GABBR2: variants seen among roughly 807,000 people sequenced by gnomAD.
The protein encoded by GABBR2 is gamma-aminobutyric acid type B receptor subunit 2.
A neutral mutation model predicts 105.6 loss-of-function variants in GABBR2; 23 were observed. The observed-to-expected ratio is 0.22, with a 90% confidence interval of 0.16 to 0.31. GABBR2 has a LOEUF of 0.31. GABBR2 is among the 10% of genes least tolerant of loss of function. GABBR2 has a pLI of 1.00. For missense variants in GABBR2, 734 were observed against 1,245.5 expected (o/e 0.59, Z 6.18); for synonymous variants, 478 against 499.7 (o/e 0.96, Z 0.58).
intron 13 of GABBR2, among the ~76,000 whole-genome samples, chr9:98,327,303 T>A (rs1265053718): frequency 1.3e-5 from 2 of 152,150 alleles, no homozygotes; most frequent in Non-Finnish European, 2.9e-5. Context: ...TCTCCCTTTA[T>A]CCTCTCGACT....
chr9:98,451,262 G>T (rs1175600909), intron 7 of GABBR2, among the ~76,000 whole-genome samples: 1 of 152,180 alleles, frequency 6.6e-6, no homozygotes, highest in Non-Finnish European at 1.5e-5. Flanking sequence ...CAACTGAGAA[G>T]CTCTTCTTTA....
At chr9:98,644,146 C>G (rs909942235) in intron 1 of GABBR2, among the ~76,000 whole-genome samples, 6 of 152,212 alleles carry the variant, frequency 3.9e-5, no homozygotes, top group Admixed American at 2.0e-4. Context: ...GCCCAACACA[C>G]AGCAGGGAAA....
intron 1 of GABBR2, among the ~76,000 whole-genome samples, chr9:98,641,889 C>A (rs1173324773): frequency 5.3e-5 from 8 of 152,164 alleles, no homozygotes. Context: ...CTGAGCCTGG[C>A]TCCATGTTAA....
intron 1 of GABBR2, among the ~76,000 whole-genome samples, chr9:98,647,409 T>C (rs1381944124): frequency 6.6e-6 from 1 of 152,262 alleles, no homozygotes; most frequent in East Asian, 1.9e-4. Context: ...AATGCGCAGG[T>C]GGCTGCCGGA....
chr9:98,507,026 G>C (rs1019670473), intron 3 of GABBR2, among the ~76,000 whole-genome samples: 1 of 152,042 alleles, frequency 6.6e-6, no homozygotes, highest in Non-Finnish European at 1.5e-5. Context: ...ACGCACCCTC[G>C]GCCCAATTTC....
At chr9:98,350,836 G>T (rs1831386572) in intron 13 of GABBR2, among the ~76,000 whole-genome samples, 1 of 152,108 alleles carries the variant, frequency 6.6e-6, no homozygotes, top group African/African-American at 2.4e-5. Flanking sequence ...AAAAAGTGGG[G>T]TGTTAACATC....
intron 6 of GABBR2, among the ~76,000 whole-genome samples, chr9:98,471,507 C>G (rs1460838197): frequency 6.6e-6 from 1 of 152,248 alleles, no homozygotes; most frequent in Non-Finnish European, 1.5e-5. Flanking sequence ...CTACAATGCA[C>G]TCTCGTGTAC....
rs189496566 is a variant in GABBR2, at chr9:98,318,876, C to T, written c.1894-7671G>A. On this transcript the variant is annotated intron_variant, in intron 13 of 18. Coordinates refer to ENST00000259455, the MANE Select transcript of GABBR2 (RefSeq NM_005458.8). The stretch of plus-strand genomic sequence containing the variant: ...TCTGCTGGGGGTGAGTGTAGGTGTG[C>T]ATGTAAATGTGAGTTTGTGTGTGTG... Among the ~76,000 whole-genome samples the T allele has an allele frequency of 1.4e-3, 215 of 148,614 alleles. 4 individuals carry two copies. The highest frequency in any genetic ancestry group is 2.1e-3 in the Admixed American group (31 of 14,824).
intron 1 of GABBR2, among the ~76,000 whole-genome samples, chr9:98,688,336 A>G (rs1830644693): frequency 6.6e-6 from 1 of 151,728 alleles, no homozygotes; most frequent in South Asian, 2.1e-4. Flanking sequence ...GCAAAATTTG[A>G]TCAGTATGAC....
In GABBR2 at chr9:98,542,032, A is replaced by G; in HGVS notation, c.471T>C (p.Ala157=). 1 of 1,613,998 alleles carries G rather than the reference A, an allele frequency of 6.2e-7. No individual in the cohort carries two copies. Among genetic ancestry groups the G allele is most frequent in the East Asian group, 2.2e-5 (1 of 44,848 alleles). ...TATCGGCTAGAACAGGCGTGGTTGC[A>G]GCAAAAGAAAGCTGAAAAACACAAA... ...QGWNLVQLSF[A]ATTPVLADKK... Residue 157 remains alanine, a synonymous_variant, in exon 3 of 19, where the codon GCT becomes GCC. Coordinates refer to ENST00000259455, the MANE Select transcript of GABBR2 (RefSeq NM_005458.8).
chr9:98,581,922 C>G (rs551188700), intron 1 of GABBR2, among the ~76,000 whole-genome samples: 1 of 152,206 alleles, frequency 6.6e-6, no homozygotes, highest in Non-Finnish European at 1.5e-5. Context: ...GATGTCACGG[C>G]TTCTCACAAA....
intron 1 of GABBR2, among the ~76,000 whole-genome samples, chr9:98,667,782 G>T (rs1371313968): frequency 6.6e-6 from 1 of 152,244 alleles, no homozygotes; most frequent in Admixed American, 6.5e-5. Flanking sequence ...TCTGACCTGT[G>T]TTGTAAATAT....
At chr9:98,665,988 T>C (rs758312071) in intron 1 of GABBR2, among the ~76,000 whole-genome samples, 8 of 152,230 alleles carry the variant, frequency 5.3e-5, no homozygotes, top group Non-Finnish European at 1.0e-4. Flanking sequence ...CCACTGTCTG[T>C]CTGGGGTTTA....
chr9:98,557,669 G>C (rs1249973077), intron 2 of GABBR2, among the ~76,000 whole-genome samples: 1 of 152,124 alleles, frequency 6.6e-6, no homozygotes, highest in East Asian at 1.9e-4. Flanking sequence ...GTATCCCAGG[G>C]AGCATACTCA....
chr9:98,617,233 G>A (rs913485247), intron 1 of GABBR2, among the ~76,000 whole-genome samples: 12 of 152,190 alleles, frequency 7.9e-5, no homozygotes, highest in South Asian at 2.1e-4. Flanking sequence ...ACTGGGTGCC[G>A]GCTCTGGGTT....
Position 98,306,032 on chromosome 9 carries a change from TA to T in GABBR2, c.2229+88del. 1.2e-6 allele frequency: 1 copy of T among 815,148 alleles called. No individual in the cohort carries two copies. The highest frequency in any genetic ancestry group is 1.9e-6 in the Non-Finnish European group (1 of 513,816). The allele number at this position is 815,148 out of a possible 1,614,324, so 50.5% of individuals were successfully genotyped here. ...CATCATAAAAAAAAAAAGGAATGGG[TA>T]AACCTTTTAGAGAATGGAGAAAAGC... On this transcript the variant is annotated intron_variant, in intron 15 of 18. Transcript: ENST00000259455. This position sits in a 1 kb window ranked among gnomAD's most constrained non-coding sequence, Gnocchi z 5.4.
intron 1 of GABBR2, among the ~76,000 whole-genome samples, chr9:98,643,851 C>G (rs1357801787): frequency 6.6e-6 from 1 of 152,158 alleles, no homozygotes; most frequent in African/African-American, 2.4e-5. Flanking sequence ...CATGTTGCCA[C>G]CAAGAGGAGA....
At chr9:98,406,509 G>A (rs1275423557) in intron 7 of GABBR2, among the ~76,000 whole-genome samples, 1 of 152,228 alleles carries the variant, frequency 6.6e-6, no homozygotes, top group Admixed American at 6.5e-5. Flanking sequence ...CTTTGGGCCC[G>A]GCCCTGACTC....
In GABBR2 at chr9:98,640,097, G is replaced by A. The variant is rs1588264400; in HGVS notation, c.322-62025C>T. ...CCATTTTATTTGAATAGTTTTTAAA[G>A]TTTTGAGCCTTTGAAAATACAACCA... On this transcript the variant is annotated intron_variant, in intron 1 of 18. Transcript: ENST00000259455. Among the ~76,000 whole-genome samples, 3 of 144,742 alleles carry A rather than the reference G, an allele frequency of 2.1e-5. No individual in the cohort carries two copies. In the South Asian group the frequency reaches 6.6e-4, roughly 32 times the overall value. The allele number at this position is 144,742 out of a possible 152,430, so 95.0% of individuals were successfully genotyped here. A position where few individuals can be genotyped will look rare whatever the true frequency, so the allele number is the denominator to read the frequency against.
Sources: allele counts gnomAD v4.1 joint callset (sites outside exome capture counted in the v4.1 genomes callset), GRCh38; gene constraint gnomAD v4.1.1; non-coding constraint Gnocchi (gnomAD v3.1); transcripts MANE v1.5; gene names NCBI Gene and HGNC (gene_info 2026-07-23, HGNC 2026-07-21).